The following DPP6 variants were observed in gnomAD, a reference collection of about 807,000 sequenced individuals.
The protein encoded by DPP6 is A-type potassium channel modulatory protein DPP6.
In DPP6, 69 loss-of-function variants were observed where a neutral mutation model predicts 122.6. The observed-to-expected ratio is 0.56, with a 90% CI of 0.46 to 0.69. The LOEUF is 0.69. Among genes scored for constraint, DPP6 ranks in the 30% least tolerant of loss-of-function variants. The pLI, the probability that DPP6 is intolerant of heterozygous loss-of-function variation, is 0.00. For missense variants in DPP6, 928 were observed against 1,116.9 expected (o/e 0.83, Z 2.41); for synonymous variants, 418 against 433.1 (o/e 0.97, Z 0.43).
At chr7:154,124,652 A>C (rs967425086) in intron 1 of DPP6, among the ~76,000 whole-genome samples, 17 of 152,240 alleles carry the variant, frequency 1.1e-4, no homozygotes, top group Non-Finnish European at 2.5e-4. Flanking sequence ...TTGCAAACAG[A>C]GTGGAAGAAA....
At chr7:153,832,172 C>T in the DPP6 span, among the ~76,000 whole-genome samples, 1 of 152,110 alleles carries the variant, frequency 6.6e-6, no homozygotes, top group South Asian at 2.1e-4. Flanking sequence ...TTTAAATAAT[C>T]AAAACTTATG....
At chr7:154,396,942 C>A (rs1361637713) in intron 1 of DPP6, among the ~76,000 whole-genome samples, 1 of 151,958 alleles carries the variant, frequency 6.6e-6, no homozygotes, top group Non-Finnish European at 1.5e-5. Context: ...AACACTCCAT[C>A]TCAAAAACAA....
At chr7:154,459,707 C>T (rs1207862339) in intron 2 of DPP6, among the ~76,000 whole-genome samples, 2 of 146,792 alleles carry the variant, frequency 1.4e-5, no homozygotes, top group East Asian at 4.2e-4. Flanking sequence ...ATCCCAGCTA[C>T]TTGGGAGGCT....
intron 1 of DPP6, among the ~76,000 whole-genome samples, chr7:154,283,069 A>G (rs1331886840): frequency 2.0e-5 from 3 of 152,214 alleles, no homozygotes; most frequent in Non-Finnish European, 4.4e-5. Flanking sequence ...TGTGAAGCTC[A>G]GAGTGATATT....
chr7:154,114,318 T>G (rs1806820356), intron 1 of DPP6, among the ~76,000 whole-genome samples: 1 of 152,204 alleles, frequency 6.6e-6, no homozygotes. Flanking sequence ...AGGAAGCTGC[T>G]TAAGCTTTCT....
intron 15 of DPP6, 126 bp from the exon 16 acceptor site, chr7:154,806,868 C>A: frequency 1.6e-6 from 2 of 1,284,270 alleles, no homozygotes; most frequent in Non-Finnish European, 2.1e-6. Context: ...GAGGGAGAGG[C>A]CCGGGGGGTC....
intron 16 of DPP6, among the ~76,000 whole-genome samples, chr7:154,813,086 A>ATT (rs11288303): frequency 1.3e-3 from 185 of 147,582 alleles, no homozygotes; most frequent in African/African-American, 2.6e-3. Flanking sequence ...TAATTCCTCA[A>ATT]TTTTTTTTTT....
At chr7:154,394,989 T>G (rs1204988901) in intron 1 of DPP6, among the ~76,000 whole-genome samples, 1 of 152,224 alleles carries the variant, frequency 6.6e-6, no homozygotes, top group African/African-American at 2.4e-5. Flanking sequence ...GGTGCCTTAC[T>G]TCATTTGGGC....
Position 154,804,206 on chromosome 7 carries a change from G to T in DPP6, c.1499+251G>T, listed in dbSNP as rs139426321. On this transcript the variant is annotated intron_variant, in intron 14 of 25. Transcript: ENST00000377770. ...CCAGCCCATGAAGGGAAGCACGCTA[G>T]CGGCAGTAGTAGGGGTAGTACTGAT... 2.0e-5 allele frequency among the ~76,000 whole-genome samples: 3 copies of T among 152,242 alleles called. No individual in the cohort carries two copies. In the East Asian group the frequency reaches 5.8e-4, roughly 29 times the overall value.
At position 154,483,259 on chromosome 7, in the gene DPP6, C is replaced by T. The variant is rs370462324; in HGVS notation, c.457+8222C>T. ...CAGATGTAAATGAAAAACCACCCCACGGTGGCCACGCACCTCTTCCTGGCT... is the reference window on the plus strand; with the variant it reads ...CAGATGTAAATGAAAAACCACCCCATGGTGGCCACGCACCTCTTCCTGGCT... On this transcript the variant is annotated intron_variant, in intron 3 of 25. Coordinates refer to ENST00000377770, the MANE Select transcript of DPP6 (RefSeq NM_130797.4). This position sits in a 1 kb window ranked among gnomAD's most constrained non-coding sequence, Gnocchi z 8.1. Among the ~76,000 whole-genome samples the T allele has an allele frequency of 4.6e-5, 7 of 152,138 alleles. No homozygotes were observed. The highest frequency in any genetic ancestry group is 9.7e-5 in the African/African-American group (4 of 41,430).
chr7:154,385,556 C>T (rs1249376438), intron 1 of DPP6, among the ~76,000 whole-genome samples: 1 of 151,998 alleles, frequency 6.6e-6, no homozygotes, highest in East Asian at 1.9e-4. Context: ...TTGTGTTATC[C>T]AGAGTGGTGT....
intron 1 of DPP6, among the ~76,000 whole-genome samples, chr7:154,118,662 C>T (rs1807179277): frequency 3.0e-5 from 2 of 66,744 alleles, no homozygotes; most frequent in Admixed American, 2.6e-4. Flanking sequence ...GCTGCCACTG[C>T]TCATACAAAC....
intron 10 of DPP6, 54 bp from the exon 11 acceptor site, chr7:154,794,025 T>G: frequency 6.3e-7 from 1 of 1,585,510 alleles, no homozygotes; most frequent in Non-Finnish European, 8.6e-7. Context: ...GTCCCCTGGC[T>G]TCTGTCGTGC....
At chr7:154,221,632 A>G (rs949408144) in intron 1 of DPP6, among the ~76,000 whole-genome samples, 2 of 152,222 alleles carry the variant, frequency 1.3e-5, no homozygotes. Context: ...TTTTTTAACA[A>G]TAAATCACAG....
intron 8 of DPP6, among the ~76,000 whole-genome samples, chr7:154,751,924 C>T (rs562284319): frequency 2.0e-5 from 3 of 152,046 alleles, no homozygotes; most frequent in East Asian, 3.9e-4. Flanking sequence ...CAGTGTCACC[C>T]TAAAAAGGGA....
At chr7:154,185,033 T>A (rs1798285794) in intron 1 of DPP6, among the ~76,000 whole-genome samples, 1 of 152,208 alleles carries the variant, frequency 6.6e-6, no homozygotes. Context: ...TCTGAAAATA[T>A]GTGTATATAT....
At chr7:153,804,024 TATC>T in the DPP6 span, among the ~76,000 whole-genome samples, 1 of 150,550 alleles carries the variant, frequency 6.6e-6, no homozygotes, top group Non-Finnish European at 1.5e-5. Context: ...GTCCACCCTC[TATC>T]TGAAATTGCA....
Position 154,892,782 on chromosome 7 carries a change from C to T in DPP6, c.*302C>T, listed in dbSNP as rs762494725. 2 of 615,178 alleles carry T rather than the reference C, an allele frequency of 3.3e-6. No individual in the cohort carries two copies. The highest frequency in any genetic ancestry group is 1.4e-5 in the South Asian group (1 of 72,588). The allele number at this position is 615,178 out of a possible 1,614,324, so 38.1% of individuals were successfully genotyped here. On this transcript the variant is annotated 3_prime_UTR_variant, in exon 26 of 26. Coordinates refer to ENST00000377770, the MANE Select transcript of DPP6 (RefSeq NM_130797.4). ...CAAGGAACAGAGCAAAGGATGGTGG[C>T]CGCAGGCCCCACGCGAGCCCACAGG...
At chr7:154,023,491 A>AT (rs1019364692) in intron 1 of DPP6, among the ~76,000 whole-genome samples, 5 of 150,798 alleles carry the variant, frequency 3.3e-5, no homozygotes, top group South Asian at 2.1e-4. Context: ...TGCCTTTGGA[A>AT]TTTTTTTTTG....
Sources: allele counts gnomAD v4.1 joint callset (sites outside exome capture counted in the v4.1 genomes callset), GRCh38; gene constraint gnomAD v4.1.1; non-coding constraint Gnocchi (gnomAD v3.1); transcripts MANE v1.5; gene names NCBI Gene and HGNC (gene_info 2026-07-23, HGNC 2026-07-21).